FAM3B: variants seen among roughly 807,000 people sequenced by gnomAD.
FAM3B encodes FAM3 metabolism regulating signaling molecule B.
FAM3B carries 29 observed loss-of-function variants against 28.4 expected under a neutral mutation model. The observed-to-expected ratio is 1.02, with a 90% CI of 0.76 to 1.39. The LOEUF is 1.39. FAM3B is among the 40% of genes most tolerant of loss of function. The pLI is 0.00. For missense variants in FAM3B, 266 were observed against 293.9 expected (o/e 0.91, Z 0.69); for synonymous variants, 91 against 103.0 (o/e 0.88, Z 0.71).
intron 5 of FAM3B, 49 bp downstream of exon 5, chr21:41,345,785 T>C: frequency 1.7e-6 from 2 of 1,186,096 alleles, no homozygotes; most frequent in Non-Finnish European, 2.5e-6. Flanking sequence ...AAACAGAAAA[T>C]TAAGATTAAA....
chr21:41,340,455 G>C (rs2088995681), intron 3 of FAM3B, among the ~76,000 whole-genome samples: 1 of 152,102 alleles, frequency 6.6e-6, no homozygotes, highest in East Asian at 1.9e-4. Context: ...CCCAGCCAAA[G>C]TTGTCCTTTT....
chr21:41,327,905 G>A (rs1206745776), intron 2 of FAM3B, among the ~76,000 whole-genome samples: 3 of 152,214 alleles, frequency 2.0e-5, no homozygotes, highest in African/African-American at 4.8e-5. Flanking sequence ...CTGTGAGTAA[G>A]TGCACCACAC....
intron 1 of FAM3B, chr21:41,304,395 C>A: frequency 2.3e-6 from 1 of 429,538 alleles, no homozygotes; most frequent in African/African-American, 2.0e-5. Context: ...CTGAGCAGCC[C>A]GAGGGAGTCG....
At chr21:41,347,733 C>T (rs942562152) in intron 6 of FAM3B, among the ~76,000 whole-genome samples, 1 of 127,412 alleles carries the variant, frequency 7.8e-6, no homozygotes, top group East Asian at 2.4e-4. Context: ...AGCCCGGTGA[C>T]AGAGCGAGAC....
chr21:41,347,749 CAAAAAAAAAA>C (rs60227162), intron 6 of FAM3B, among the ~76,000 whole-genome samples: 1 of 85,694 alleles, frequency 1.2e-5, no homozygotes, highest in African/African-American at 3.2e-5. Flanking sequence ...GAGACTGTCT[CAAAAAAAAAA>C]AAAAAAAAAA....
chr21:41,312,560 G>A (rs1421632002), upstream of FAM3B, among the ~76,000 whole-genome samples: 1 of 152,166 alleles, frequency 6.6e-6, no homozygotes, highest in Non-Finnish European at 1.5e-5. Flanking sequence ...AAAGCCCTAT[G>A]AGAGGATACA....
rs762390563 is a variant in FAM3B at position 41,322,849 on chromosome 21, G to C, written c.20-74G>C. The C allele has an allele frequency of 3.0e-5, 48 of 1,612,398 alleles. No homozygotes were observed. The South Asian group carries it at 3.8e-4, about 13-fold the overall frequency. On this transcript the variant is annotated intron_variant, in intron 1 of 7. Coordinates refer to ENST00000357985, the MANE Select transcript of FAM3B (RefSeq NM_058186.4). Reference sequence around the variant, plus strand: ...ACTGGGCCGGGATGAAAAGCCACAGGGGGGATGGGGAGGGCCAAGGGCCAG... The same window carrying C: ...ACTGGGCCGGGATGAAAAGCCACAGCGGGGATGGGGAGGGCCAAGGGCCAG...
At chr21:41,347,749 CAAA>C (rs60227162) in intron 6 of FAM3B, among the ~76,000 whole-genome samples, 6 of 85,664 alleles carry the variant, frequency 7.0e-5, no homozygotes, top group African/African-American at 9.6e-5. Context: ...GAGACTGTCT[CAAA>C]AAAAAAAAAA....
intron 1 of FAM3B, chr21:41,322,578 G>A (rs1350475338): frequency 5.6e-6 from 4 of 713,248 alleles, no homozygotes; most frequent in Non-Finnish European, 1.0e-5. Flanking sequence ...AGGCGCTTTT[G>A]TTTTTTCAGG....
chr21:41,329,346 C>T (rs1424965749), intron 2 of FAM3B, among the ~76,000 whole-genome samples: 1 of 152,194 alleles, frequency 6.6e-6, no homozygotes, highest in Non-Finnish European at 1.5e-5. Flanking sequence ...TGTCCTGCCT[C>T]ATCCCACGGG....
chr21:41,327,821 C>T (rs1339269842), intron 2 of FAM3B, among the ~76,000 whole-genome samples: 1 of 152,244 alleles, frequency 6.6e-6, no homozygotes, highest in Non-Finnish European at 1.5e-5. Flanking sequence ...CTAATGACCA[C>T]ACCCTCCAGG....
intron 2 of FAM3B, among the ~76,000 whole-genome samples, chr21:41,328,943 TGTGCCCA>T (rs1479166150): frequency 1.3e-5 from 2 of 152,216 alleles, no homozygotes; most frequent in East Asian, 3.9e-4. Context: ...AGCACTTCTG[TGTGCCCA>T]GTTTTCTCCA....
At chr21:41,346,774 A>G (rs1266905252) in intron 5 of FAM3B, among the ~76,000 whole-genome samples, 2 of 151,946 alleles carry the variant, frequency 1.3e-5, no homozygotes, top group Non-Finnish European at 2.9e-5. Flanking sequence ...CACCTATTGC[A>G]AGTGTTAGGT....
intron 5 of FAM3B, 112 bp from the exon 6 acceptor site, chr21:41,346,901 C>T (rs1411684484): frequency 4.3e-6 from 4 of 928,316 alleles, no homozygotes; most frequent in Non-Finnish European, 7.1e-6. Context: ...GCGCTGGGAC[C>T]CCCAAGGATT....
chr21:41,311,594 T>C (rs1357476387), intron 1 of FAM3B, among the ~76,000 whole-genome samples: 1 of 152,026 alleles, frequency 6.6e-6, no homozygotes, highest in Middle Eastern at 3.2e-3. Context: ...AAACAAAATA[T>C]CTAGTGAGAA....
intron 2 of FAM3B, among the ~76,000 whole-genome samples, chr21:41,335,705 G>T (rs372146402): frequency 3.0e-4 from 46 of 152,220 alleles, no homozygotes; most frequent in African/African-American, 1.1e-3. Context: ...ATGGGATAGC[G>T]GCCTAATATA....
intron 3 of FAM3B, among the ~76,000 whole-genome samples, chr21:41,339,944 G>A (rs1414182700): frequency 1.3e-5 from 2 of 152,120 alleles, no homozygotes; most frequent in African/African-American, 2.4e-5. Flanking sequence ...TAACATGGCT[G>A]AGCCCAAGTA....
At chr21:41,304,762 T>C (rs1052859302) in intron 1 of FAM3B, among the ~76,000 whole-genome samples, 1 of 152,134 alleles carries the variant, frequency 6.6e-6, no homozygotes, top group African/African-American at 2.4e-5. Context: ...CTCCTGCTTG[T>C]CCCTGAAAAC....
intron 2 of FAM3B, among the ~76,000 whole-genome samples, chr21:41,334,235 A>C (rs1244880243): frequency 6.6e-6 from 1 of 152,262 alleles, no homozygotes; most frequent in East Asian, 1.9e-4. Flanking sequence ...GAGGAATTCA[A>C]GCAGGCTGCA....
Sources: gnomAD v4.1 joint callset for allele counts (sites outside exome capture counted in the v4.1 genomes callset) on GRCh38, gnomAD v4.1.1 for gene constraint, MANE v1.5 for transcripts, NCBI Gene and HGNC (gene_info 2026-07-23, HGNC 2026-07-21) for gene names.